The following MED16 variants were observed in gnomAD, a reference collection of about 807,000 sequenced individuals.
MED16 encodes mediator of RNA polymerase II transcription subunit 16.
Under a neutral mutation model 84.4 loss-of-function variants are expected in MED16, and 81 were observed. The ratio of observed to expected loss-of-function variants is 0.96; its 90% CI spans 0.80 to 1.15. The LOEUF is 1.15. Ranked by LOEUF, MED16 falls within the 50% of genes most tolerant of loss-of-function variation. The pLI, the probability that MED16 is intolerant of heterozygous loss-of-function variation, is 0.00. For synonymous variants in MED16, 897 were observed against 552.2 expected, an observed-to-expected ratio of 1.62 and a Z score of -8.76; for missense variants, 1,585 against 1,245.9, an observed-to-expected ratio of 1.27 and a Z score of -4.10.
rs556406436 is a variant in MED16 at position 881,724 on chromosome 19, C to G, written c.986-10G>C. On this transcript the variant is annotated splice_polypyrimidine_tract_variant and intron_variant, in intron 6 of 15. Coordinates refer to ENST00000325464, the MANE Select transcript of MED16 (RefSeq NM_005481.3). ...GGCTGTTTGTCGCCAACTGAAAAAT[C>G]AGGGGCAGGAAAACAGGAAGGCAAT... is the stretch of plus-strand genomic sequence containing the variant. The G allele has an allele frequency of 3.7e-6, 6 of 1,607,574 alleles. No individual in the cohort carries two copies. The highest frequency in any genetic ancestry group is 5.1e-6 in the Non-Finnish European group (6 of 1,176,114).
intron 2 of MED16, 118 bp downstream of exon 2, chr19:890,845 G>C: frequency 1.8e-6 from 2 of 1,130,638 alleles, no homozygotes; most frequent in Admixed American, 2.8e-5. Context: ...AGGAGGGCCA[G>C]GGTGAGTGAG....
intron 10 of MED16, among the ~76,000 whole-genome samples, chr19:874,428 A>C (rs905811503): frequency 6.6e-6 from 1 of 152,170 alleles, no homozygotes; most frequent in Non-Finnish European, 1.5e-5. Context: ...TTTTAAAAGA[A>C]ACAGCCTGCC....
chr19:887,521 C>G (rs1034585966), intron 4 of MED16, among the ~76,000 whole-genome samples: 9 of 151,946 alleles, frequency 5.9e-5, no homozygotes. Flanking sequence ...CAAAAATTAG[C>G]CGGGCGCGGT....
chr19:884,783 G>A lies in MED16; in HGVS notation c.985+120C>T, dbSNP rs569802849. 610 of 731,550 alleles carry A rather than the reference G, an allele frequency of 8.3e-4. 4 individuals carry two copies. The highest frequency in any genetic ancestry group is 1.2e-3 in the Middle Eastern group (5 of 4,256). The allele number at this position is 731,550 out of a possible 1,614,324, so 45.3% of individuals were successfully genotyped here. A position where few individuals can be genotyped will look rare whatever the true frequency, so the allele number is the denominator to read the frequency against. ...GCACTACTGGAGATCGAGGCGAGAC[G>A]ATCGCTTAGGGCCGGGGTTCAGGAC... On this transcript the variant is annotated intron_variant, in intron 6 of 15. Coordinates refer to ENST00000325464, the MANE Select transcript of MED16 (RefSeq NM_005481.3).
chr19:873,569 G>C lies in MED16; in HGVS notation c.1785C>G (p.Val595=), dbSNP rs1237237923. ...ATTCCTCCGTCTTGAGGTTGATCAT[G>C]ACCTTGTCAATGTCTACAAGGAGAC... ...TKITDVDIDK[V]MINLKTEEFV... Residue 595 remains valine, a synonymous_variant, in exon 11 of 16, where the codon GTC becomes GTG. Transcript: ENST00000325464. 3.1e-6 allele frequency: 5 copies of C among 1,612,326 alleles called. No homozygotes were observed. Among genetic ancestry groups the C allele is most frequent in the Non-Finnish European group, 3.4e-6 (4 of 1,179,676 alleles).
Position 891,118 on chromosome 19 carries a change from C to A in MED16, c.14G>T (p.Arg5Leu). 6.2e-7 allele frequency: 1 copy of A among 1,613,182 alleles called. No individual in the cohort carries two copies. Residue 5 changes from arginine to leucine, a missense_variant, in exon 2 of 16, where the codon CGG becomes CTG. Physicochemically the swap from Arg to Leu is moderately radical, Grantham distance 102. Coordinates refer to ENST00000325464, the MANE Select transcript of MED16 (RefSeq NM_005481.3). The stretch of plus-strand genomic sequence containing the variant: ...CATCATCCCACCTGCCGCTGGCCGC[C>A]GCAAATCACACATGAGGGCAGTCAC... MCDLRRPAAGGMMDL... is the reference protein window; with the variant it reads MCDLLRPAAGGMMDL...
intron 8 of MED16, among the ~76,000 whole-genome samples, chr19:879,073 CCCA>C (rs1157172312): frequency 5.7e-4 from 77 of 134,858 alleles, no homozygotes; most frequent in East Asian, 3.6e-3. Flanking sequence ...CAGCCCCAGC[CCCA>C]GCCCCACGTG....
At chr19:873,418 G>A in intron 11 of MED16, 31 bp downstream of exon 11, 3 of 1,594,868 alleles carry the variant, frequency 1.9e-6, no homozygotes, top group Non-Finnish European at 2.6e-6. Flanking sequence ...CCCAGGTGGG[G>A]GGCGGGGCCT....
At chr19:891,702 AGT>A (rs1209882755) in intron 1 of MED16, among the ~76,000 whole-genome samples, 23 of 108,382 alleles carry the variant, frequency 2.1e-4, no homozygotes, top group African/African-American at 8.7e-4. Flanking sequence ...GGCGGGGCTG[AGT>A]GTGACGGGGA....
Position 871,154 on chromosome 19 carries a change from G to A in MED16, c.2198C>T (p.Pro733Leu), listed in dbSNP as rs991522384. 4.5e-6 allele frequency: 7 copies of A among 1,548,482 alleles called. No individual in the cohort carries two copies. Among genetic ancestry groups the A allele is most frequent in the African/African-American group, 4.1e-5 (3 of 73,050 alleles). ...QLLIPSLDWL[P>L]ASDGLVSRLQ... ...GCGGCTAACCAGGCCGTCGCTGGCTGGCAGCCAGTCCAGGCTGGGGATAAG... is the reference window on the plus strand; with the variant it reads ...GCGGCTAACCAGGCCGTCGCTGGCTAGCAGCCAGTCCAGGCTGGGGATAAG... Residue 733 changes from proline (P) to leucine (L), a missense_variant, in exon 13 of 16, where the codon CCA (proline) becomes CTA (leucine). Pro to Leu is a moderately conservative substitution (Grantham distance 98). Transcript: ENST00000325464.
At chr19:888,206 A>AAAACAAAC (rs369283862) in intron 4 of MED16, among the ~76,000 whole-genome samples, 56 of 151,168 alleles carry the variant, frequency 3.7e-4, no homozygotes, top group African/African-American at 1.2e-3. Flanking sequence ...CCTGTCTCAA[A>AAAACAAAC]AAACAAACAA....
intron 12 of MED16, chr19:871,623 C>A (rs1473802564): frequency 1.3e-6 from 2 of 1,595,444 alleles, no homozygotes; most frequent in African/African-American, 1.3e-5. Flanking sequence ...TGGCTGCCAT[C>A]CCAAAAGCAC....
At chr19:887,550 C>T (rs1484306347) in intron 4 of MED16, among the ~76,000 whole-genome samples, 1 of 151,962 alleles carries the variant, frequency 6.6e-6, no homozygotes, top group Non-Finnish European at 1.5e-5. Flanking sequence ...CCTGTAATTC[C>T]AGCTACTCGG....
rs372897486 is a variant in MED16 at position 886,222 on chromosome 19, G to A, written c.448-21C>T. ...CCCGACTGTGGAGAAGGGAGGGAGG[G>A]AGGAGGGGCCGCTCAGGCTCATGGG... is the stretch of plus-strand genomic sequence containing the variant. On this transcript the variant is annotated intron_variant, in intron 4 of 15. Transcript: ENST00000325464. 7 of 1,490,954 alleles carry A rather than the reference G, an allele frequency of 4.7e-6. No homozygotes were observed. In the African/African-American group the frequency reaches 7.0e-5, roughly 15 times the overall value. The allele number at this position is 1,490,954 out of a possible 1,614,324, so 92.4% of individuals were successfully genotyped here.
intron 3 of MED16, 80 bp from the exon 4 acceptor site, chr19:889,887 G>A (rs2145256647): frequency 1.3e-6 from 2 of 1,483,500 alleles, no homozygotes; most frequent in African/African-American, 1.4e-5. Flanking sequence ...GCGCCTGGGG[G>A]AAGCCAGCCC....
Position 868,412 on chromosome 19 carries a change from G to A in MED16, c.2483+4C>T, listed in dbSNP as rs200116945. 661 of 1,609,470 alleles carry A rather than the reference G, an allele frequency of 4.1e-4. 1 individual carries two copies. In the African/African-American group the frequency reaches 7.2e-3, roughly 17 times the overall value. On this transcript the variant is annotated splice_donor_region_variant and intron_variant, in intron 15 of 15. Coordinates refer to ENST00000325464, the MANE Select transcript of MED16 (RefSeq NM_005481.3). The stretch of plus-strand genomic sequence containing the variant: ...GGGGCACCCGCCACCAGAGCCCACC[G>A]CACAGGCAGTTCTTGATCCAGCGCT...
Position 871,063 on chromosome 19 carries a change from G to A in MED16, c.2289C>T (p.Ala763=), listed in dbSNP as rs1419286142. ...GRAPTLPGSA[A]TLQLDGLARA... is the part of the protein sequence containing the mutation. ...TGGCGAGGCCGTCGAGCTGCAGGGT[G>A]GCAGCACTGCCAGGCAGCGTGGGCG... The change falls in exon 13 of 16, where the codon GCC becomes GCT. Residue 763 remains alanine (A), a synonymous_variant. Transcript: ENST00000325464. The A allele has an allele frequency of 4.5e-6, 7 of 1,545,420 alleles. No individual in the cohort carries two copies. The South Asian group carries it at 7.2e-5, about 16-fold the overall frequency.
rs922256433 is a variant in MED16, at chr19:869,233, G to C, written c.2316-287C>G. Among the ~76,000 whole-genome samples the C allele has an allele frequency of 3.3e-5, 5 of 152,320 alleles. No individual in the cohort carries two copies. In the East Asian group the frequency reaches 9.6e-4, roughly 29 times the overall value. On this transcript the variant is annotated intron_variant, in intron 13 of 15. Coordinates refer to ENST00000325464, the MANE Select transcript of MED16 (RefSeq NM_005481.3). The stretch of plus-strand genomic sequence containing the variant: ...GGGACGGGGCCCACACAGGGACGAG[G>C]GTCGGTCCGCCACGTGCCCGGGGAG...
intron 6 of MED16, 74 bp downstream of exon 6, chr19:884,829 G>A (rs575957412): frequency 5.0e-6 from 6 of 1,210,712 alleles, no homozygotes; most frequent in East Asian, 2.5e-5. Context: ...GACACAGCAA[G>A]ACCTGCCTCC....
Sources: allele counts gnomAD v4.1 joint callset (sites outside exome capture counted in the v4.1 genomes callset), GRCh38; gene constraint gnomAD v4.1.1; transcripts MANE v1.5; gene names NCBI Gene and HGNC (gene_info 2026-07-23, HGNC 2026-07-21).